The following SVEP1 variants were observed in gnomAD, a reference collection of about 807,000 sequenced individuals.
The protein encoded by SVEP1 is sushi, von Willebrand factor type A, EGF and pentraxin domain containing 1, also known as sushi, von Willebrand factor type A, EGF and pentraxin domain-containing protein 1.
SVEP1 carries 164 observed loss-of-function variants against 367.3 expected under a neutral mutation model. That is an observed-to-expected ratio of 0.45 (90% CI 0.39 to 0.51). SVEP1 has a LOEUF of 0.51. Ranked by LOEUF, SVEP1 falls within the 20% of genes least tolerant of loss-of-function variation. The probability of loss-of-function intolerance (pLI) is 0.00; values close to 1 mark genes in which losing one functional copy is unlikely to be tolerated. For synonymous variants in SVEP1, 1,666 were observed against 1,611.6 expected, an observed-to-expected ratio of 1.03 and a Z score of -0.81; for missense variants, 4,117 against 4,425.3, an observed-to-expected ratio of 0.93 and a Z score of 1.98.
intron 20 of SVEP1, chr9:110,458,255 A>G (rs879420994): frequency 5.9e-5 from 36 of 610,974 alleles, no homozygotes; most frequent in Non-Finnish European, 1.0e-4. Context: ...CATTTCTGGG[A>G]AAAACTCTCA....
In SVEP1 at chr9:110,368,825, C is replaced by T. The variant is rs192546971; in HGVS notation, c.10694+1098G>A. ...GTTCAGTTTATTTTTTCTCCTTTTG[C>T]AGAGATGGCATATACTTGAGATGAT... is the stretch of plus-strand genomic sequence containing the variant. On this transcript the variant is annotated intron_variant, in intron 47 of 47. Transcript: ENST00000374469. Among the ~76,000 whole-genome samples the T allele has an allele frequency of 4.8e-3, 728 of 152,182 alleles. 4 individuals carry two copies. The highest frequency in any genetic ancestry group is 7.7e-3 in the Non-Finnish European group (527 of 68,000).
At chr9:110,529,908 G>A (rs556451724) in intron 3 of SVEP1, among the ~76,000 whole-genome samples, 228 of 152,232 alleles carry the variant, frequency 1.5e-3, no homozygotes, top group Middle Eastern at 3.4e-3. Flanking sequence ...TGAATAAAGT[G>A]TTGAAAGTGA....
At position 110,482,407 on chromosome 9, in the gene SVEP1, G is replaced by A. The variant is rs776128913; in HGVS notation, c.2124C>T (p.Asp708=). ...CACATGTCCTGTTATTGCCTGAGGG[G>A]TCAGTGGCTGTATACTGTACTATAG... ...GETIVQYTAT[D]PSGNNRTCDI... is the part of the protein sequence containing the mutation. The change falls in exon 11 of 48, where the codon GAC becomes GAT. Residue 708 remains aspartate (D), a synonymous_variant. Transcript: ENST00000374469. 2 of 1,611,810 alleles carry A rather than the reference G, an allele frequency of 1.2e-6. No individual in the cohort carries two copies. The highest frequency in any genetic ancestry group is 1.1e-5 in the South Asian group (1 of 90,508).
intron 1 of SVEP1, among the ~76,000 whole-genome samples, chr9:110,555,002 G>A (rs1830338185): frequency 6.6e-6 from 1 of 152,078 alleles, no homozygotes; most frequent in South Asian, 2.1e-4. Flanking sequence ...TATGCCAAGA[G>A]GTGGAAAGTT....
At chr9:110,399,371 G>A (rs575027674) in intron 40 of SVEP1, among the ~76,000 whole-genome samples, 267 of 151,836 alleles carry the variant, frequency 1.8e-3, no homozygotes, top group African/African-American at 6.1e-3. Flanking sequence ...ATAGCATTAG[G>A]AGATATACCT....
chr9:110,375,309 G>C, intron 46 of SVEP1, 59 bp downstream of exon 46: 1 of 1,422,028 alleles, frequency 7.0e-7, no homozygotes. Context: ...ACTCTTCAAT[G>C]TCCTCTGGAG....
At chr9:110,556,506 T>A (rs1416601112) in intron 1 of SVEP1, among the ~76,000 whole-genome samples, 1 of 152,122 alleles carries the variant, frequency 6.6e-6, no homozygotes, top group Non-Finnish European at 1.5e-5. Flanking sequence ...TTTTGTTCTG[T>A]TTTTTTGAGA....
chr9:110,406,522 C>A lies in SVEP1; in HGVS notation c.9078G>T (p.Lys3026Asn), dbSNP rs773068763. 6.2e-6 allele frequency: 10 copies of A among 1,613,604 alleles called. No homozygotes were observed. The highest frequency in any genetic ancestry group is 1.3e-5 in the African/African-American group (1 of 74,932). Residue 3026 changes from lysine (K) to asparagine (N), a missense_variant, in exon 38 of 48, where the codon AAG (lysine) becomes AAT (asparagine). Physicochemically the swap from Lys to Asn is moderately conservative, Grantham distance 94. Transcript: ENST00000374469. ...CTTTGAAGCACTGAATCCGGGCTGCCTTTCCACAGTCAAAATCTGTCCCAT... is the reference window on the plus strand; with the variant it reads ...CTTTGAAGCACTGAATCCGGGCTGCATTTCCACAGTCAAAATCTGTCCCAT... ...TVNGTDFDCG[K>N]AARIQCFKGF...
At chr9:110,567,503 TAAAG>T (rs904040521) in intron 1 of SVEP1, among the ~76,000 whole-genome samples, 1 of 152,070 alleles carries the variant, frequency 6.6e-6, no homozygotes, top group African/African-American at 2.4e-5. Context: ...TGAAAGGAAA[TAAAG>T]AAAAAGGCAT....
In SVEP1 at chr9:110,443,697, C is replaced by G; in HGVS notation, c.4487G>C (p.Arg1496Thr). The G allele has an allele frequency of 6.2e-7, 1 of 1,607,640 alleles. No homozygotes were observed. Among genetic ancestry groups the G allele is most frequent in the Non-Finnish European group, 8.5e-7 (1 of 1,176,760 alleles). Residue 1496 changes from arginine to threonine, a missense_variant, in exon 27 of 48, where the codon AGG becomes ACG. Coordinates refer to ENST00000374469, the MANE Select transcript of SVEP1 (RefSeq NM_153366.4). ...YNGWVLYVNG[R>T]EKITNCPSVN... ...CGAGGGACAGTTTGTTATCTTTTCCCTGCCATTCACATAAAGAACCCAGCT... is the reference window on the plus strand; with the variant it reads ...CGAGGGACAGTTTGTTATCTTTTCCGTGCCATTCACATAAAGAACCCAGCT...
intron 28 of SVEP1, among the ~76,000 whole-genome samples, chr9:110,435,851 T>C (rs1486686537): frequency 6.6e-6 from 1 of 152,202 alleles, no homozygotes; most frequent in Non-Finnish European, 1.5e-5. Flanking sequence ...TGCTATGTAG[T>C]TCTATTTATC....
At chr9:110,486,897 G>A (rs755918486) in intron 9 of SVEP1, among the ~76,000 whole-genome samples, 13 of 150,512 alleles carry the variant, frequency 8.6e-5, no homozygotes, top group African/African-American at 2.5e-4. Flanking sequence ...CATCTGCCTC[G>A]GCCTCCCAAT....
intron 9 of SVEP1, among the ~76,000 whole-genome samples, chr9:110,486,939 C>T (rs1302935116): frequency 6.8e-6 from 1 of 147,114 alleles, no homozygotes; most frequent in Admixed American, 6.8e-5. Context: ...GCCACCACAC[C>T]TGGACCTTCT....
chr9:110,429,477 ATT>A, intron 34 of SVEP1, 143 bp from the exon 35 acceptor site: 2 of 453,580 alleles, frequency 4.4e-6, no homozygotes, highest in Non-Finnish European at 7.0e-6. Flanking sequence ...ATGCTTTTAA[ATT>A]AATTTTTTTT....
Position 110,502,222 on chromosome 9 carries a change from C to A in SVEP1, c.1483+816G>T, listed in dbSNP as rs1179550289. ...GGTTCAAGAGATTCTCCTGTCTCAG[C>A]CTCCTGAGTAGCTGGGATTACAGGC... On this transcript the variant is annotated intron_variant, in intron 6 of 47. Transcript: ENST00000374469. 5.9e-5 allele frequency among the ~76,000 whole-genome samples: 9 copies of A among 151,364 alleles called. No homozygotes were observed. In the East Asian group the frequency reaches 7.8e-4, roughly 13 times the overall value.
chr9:110,513,922 C>T lies in SVEP1; in HGVS notation c.1123+26G>A, dbSNP rs764532668. Reference sequence around the variant, plus strand: ...TCAGAGAAATCAGCTTTTATATTTCCCATTTTCCAACAGTGGGAGACTCAC... The same window carrying T: ...TCAGAGAAATCAGCTTTTATATTTCTCATTTTCCAACAGTGGGAGACTCAC... On this transcript the variant is annotated intron_variant, in intron 4 of 47. Transcript: ENST00000374469. 8 of 1,596,254 alleles carry T rather than the reference C, an allele frequency of 5.0e-6. No individual in the cohort carries two copies. The South Asian group carries it at 6.8e-5, about 14-fold the overall frequency.
chr9:110,465,752 T>C, intron 18 of SVEP1, 113 bp downstream of exon 18: 1 of 1,298,866 alleles, frequency 7.7e-7, no homozygotes. Flanking sequence ...AAGAGACAGT[T>C]ATTTCCATTC....
chr9:110,518,911 C>T (rs1344780941), intron 3 of SVEP1, among the ~76,000 whole-genome samples: 1 of 152,140 alleles, frequency 6.6e-6, no homozygotes, highest in Non-Finnish European at 1.5e-5. Flanking sequence ...AAAGCCTGTA[C>T]CAACCAGATA....
chr9:110,480,973 G>A (rs190867550), intron 12 of SVEP1, among the ~76,000 whole-genome samples: 13 of 152,162 alleles, frequency 8.5e-5, no homozygotes, highest in African/African-American at 3.1e-4. Context: ...ATATTGTCAA[G>A]TCTCCAGATA....
Sources: allele counts gnomAD v4.1 joint callset (sites outside exome capture counted in the v4.1 genomes callset), GRCh38; gene constraint gnomAD v4.1.1; transcripts MANE v1.5; gene names NCBI Gene and HGNC (gene_info 2026-07-23, HGNC 2026-07-21).